The following ECE1 variants were observed in gnomAD, a reference collection of about 807,000 sequenced individuals.
The protein encoded by ECE1 is endothelin-converting enzyme 1.
A neutral mutation model predicts 98.6 loss-of-function variants in ECE1; 35 were observed. The observed-to-expected ratio is 0.35, with a 90% CI of 0.27 to 0.47. ECE1 has a LOEUF of 0.47. Ranked by LOEUF, ECE1 falls within the 20% of genes least tolerant of loss-of-function variation. The pLI, the probability that ECE1 is intolerant of heterozygous loss-of-function variation, is 1.00. For synonymous variants in ECE1, 394 were observed against 407.1 expected (o/e 0.97, Z 0.39); for missense variants, 814 against 1,025.3 (o/e 0.79, Z 2.81).
chr1:21,224,209 G>A (rs2098170925), intron 17 of ECE1, among the ~76,000 whole-genome samples: 1 of 152,140 alleles, frequency 6.6e-6, no homozygotes, highest in Non-Finnish European at 1.5e-5. Context: ...TAACCCCAGA[G>A]AAGGCCTGCC....
intron 2 of ECE1, among the ~76,000 whole-genome samples, chr1:21,286,244 G>A (rs1346043856): frequency 6.6e-6 from 1 of 152,184 alleles, no homozygotes; most frequent in Non-Finnish European, 1.5e-5. Flanking sequence ...TCAGGTGTGG[G>A]AAGATCAGGC....
chr1:21,302,734 C>G (rs1413816535), intron 1 of ECE1, among the ~76,000 whole-genome samples: 1 of 152,206 alleles, frequency 6.6e-6, no homozygotes, highest in East Asian at 1.9e-4. Context: ...GTTTCCTCCC[C>G]TGGCCCGCCC....
chr1:21,290,539 G>C, upstream of ECE1: 2 of 1,191,716 alleles, frequency 1.7e-6, no homozygotes, highest in Non-Finnish European at 2.1e-6. This position sits in a 1 kb window ranked among gnomAD's most constrained non-coding sequence, Gnocchi z 7.3. Flanking sequence ...CCAACCTCCG[G>C]CCTCCCGGGG....
chr1:21,218,525 G>C lies in ECE1; in HGVS notation c.*1430C>G, dbSNP rs1023748134. ...GGACTGGTCCTGGGAGCCAGGCCCA[G>C]CCATGTGGTGGATGACGGTGCTCAG... is the stretch of plus-strand genomic sequence containing the variant. On this transcript the variant is annotated 3_prime_UTR_variant, in exon 19 of 19. Coordinates refer to ENST00000374893, the MANE Select transcript of ECE1 (RefSeq NM_001397.3). The surrounding 1 kb of genome is among the most constrained non-coding windows in gnomAD (Gnocchi z 4.0). 1 of 152,304 alleles carries C rather than the reference G, an allele frequency of 6.6e-6. No individual in the cohort carries two copies. Among genetic ancestry groups the C allele is most frequent in the African/African-American group, 2.4e-5 (1 of 41,462 alleles). 9.4% of individuals were successfully genotyped at this position (152,304 alleles called of 1,614,324 possible). A position where few individuals can be genotyped will look rare whatever the true frequency, so the allele number is the denominator to read the frequency against.
Position 21,219,539 on chromosome 1 carries a change from T to TAA in ECE1, c.*414_*415dup. The TAA allele has an allele frequency of 3.6e-5, 7 of 194,064 alleles. No individual in the cohort carries two copies. The highest frequency in any genetic ancestry group is 2.9e-4 in the South Asian group (3 of 10,354). The allele number at this position is 194,064 out of a possible 1,614,324, so 12.0% of individuals were successfully genotyped here. A position where few individuals can be genotyped will look rare whatever the true frequency, so the allele number is the denominator to read the frequency against. On this transcript the variant is annotated 3_prime_UTR_variant, in exon 19 of 19. Coordinates refer to ENST00000374893, the MANE Select transcript of ECE1 (RefSeq NM_001397.3). This position sits in a 1 kb window ranked among gnomAD's most constrained non-coding sequence, Gnocchi z 4.5. ...ATAATAAATATACCAATTCTTTCCT[T>TAA]AAAAAAAAAAGTGTTTAAATGTGTT...
chr1:21,275,732 C>T (rs1037234156), intron 3 of ECE1, among the ~76,000 whole-genome samples: 1 of 152,214 alleles, frequency 6.6e-6, no homozygotes, highest in African/African-American at 2.4e-5. Context: ...TTTGCAGAAA[C>T]TTCATGAAAT....
intron 2 of ECE1, among the ~76,000 whole-genome samples, chr1:21,288,816 G>A (rs1237538992): frequency 2.0e-5 from 3 of 152,260 alleles, no homozygotes; most frequent in African/African-American, 2.4e-5. Context: ...TTTTTAGCTC[G>A]GTGACCGAAG....
intron 1 of ECE1, among the ~76,000 whole-genome samples, chr1:21,330,314 C>T (rs952167218): frequency 6.9e-6 from 1 of 145,746 alleles, no homozygotes; most frequent in Non-Finnish European, 1.5e-5. Context: ...CCACTCACTG[C>T]AACCTCTGCC....
Position 21,272,808 on chromosome 1 carries a change from G to A in ECE1, c.384C>T (p.Tyr128=), listed in dbSNP as rs201518159. 43 of 1,614,276 alleles carry A rather than the reference G, an allele frequency of 2.7e-5. No individual in the cohort carries two copies. Among genetic ancestry groups the A allele is most frequent in the East Asian group, 2.2e-4 (10 of 44,888 alleles). The change falls in exon 4 of 19, where the codon TAC becomes TAT. Residue 128 remains tyrosine, a synonymous_variant. Transcript: ENST00000374893. ...TVDPCHDFFS[Y]ACGGWIKANP... ...TGGCCTTGATCCAGCCCCCACAGGCGTAGCTGAAGAAGTCATGGCAGGGGT... is the reference window on the plus strand; with the variant it reads ...TGGCCTTGATCCAGCCCCCACAGGCATAGCTGAAGAAGTCATGGCAGGGGT...
chr1:21,323,408 G>A (rs1364844155), intron 1 of ECE1, among the ~76,000 whole-genome samples: 2 of 152,164 alleles, frequency 1.3e-5, no homozygotes, highest in Non-Finnish European at 2.9e-5. Flanking sequence ...AAAATCGTGT[G>A]CCTACTACGT....
intron 1 of ECE1, among the ~76,000 whole-genome samples, chr1:21,318,444 G>A (rs1461615998): frequency 6.6e-6 from 1 of 152,048 alleles, no homozygotes; most frequent in African/African-American, 2.4e-5. Context: ...ACAAAGGTCA[G>A]CCTGGCCTAG....
chr1:21,333,140 G>A (rs1462570756), intron 1 of ECE1, among the ~76,000 whole-genome samples: 1 of 152,154 alleles, frequency 6.6e-6, no homozygotes, highest in African/African-American at 2.4e-5. Flanking sequence ...AGCTCAAGTT[G>A]ATCCCATGGC....
At chr1:21,278,318 T>C (rs2098249926) in intron 3 of ECE1, among the ~76,000 whole-genome samples, 1 of 152,186 alleles carries the variant, frequency 6.6e-6, no homozygotes, top group East Asian at 1.9e-4. Context: ...ATCCACTTAG[T>C]TGGAAACAGA....
intron 1 of ECE1, chr1:21,299,688 G>A (rs1638442896): frequency 6.6e-6 from 1 of 152,230 alleles, no homozygotes; most frequent in South Asian, 2.1e-4. Context: ...TTCACCATCT[G>A]AGCCTCAGTG....
At chr1:21,263,099 T>C (rs2098229186) in intron 4 of ECE1, among the ~76,000 whole-genome samples, 1 of 152,154 alleles carries the variant, frequency 6.6e-6, no homozygotes, top group East Asian at 1.9e-4. Context: ...CCGGGGAAGC[T>C]TCGTTTGAGC....
Position 21,233,848 on chromosome 1 carries a change from C to T in ECE1, c.1567-187G>A, listed in dbSNP as rs779103145. Among the ~76,000 whole-genome samples the T allele has an allele frequency of 5.3e-4, 80 of 152,092 alleles. No homozygotes were observed. The highest frequency in any genetic ancestry group is 1.0e-3 in the Non-Finnish European group (68 of 67,962). Reference sequence around the variant, plus strand: ...CCTGGGGCACGAGATGGAATGACACCGTTGCAGGATGTGCCTACAGCAGTG... The same window carrying T: ...CCTGGGGCACGAGATGGAATGACACTGTTGCAGGATGTGCCTACAGCAGTG... On this transcript the variant is annotated intron_variant, in intron 13 of 18. Coordinates refer to ENST00000374893, the MANE Select transcript of ECE1 (RefSeq NM_001397.3). The surrounding 1 kb of genome is among the most constrained non-coding windows in gnomAD (Gnocchi z 4.0).
intron 1 of ECE1, chr1:21,298,732 G>A: frequency 2.2e-6 from 1 of 456,254 alleles, no homozygotes; most frequent in Non-Finnish European, 4.4e-6. Flanking sequence ...CTGGTAAACA[G>A]CAAAGCCTGG....
At chr1:21,343,519 C>A (rs1445056149) in intron 1 of ECE1, among the ~76,000 whole-genome samples, 1 of 152,182 alleles carries the variant, frequency 6.6e-6, no homozygotes, top group Non-Finnish European at 1.5e-5. Flanking sequence ...AACTTCCCAG[C>A]GTGGGCTCAA....
Position 21,287,252 on chromosome 1 carries a change from G to C in ECE1, c.138+2818C>G, listed in dbSNP as rs142867107. On this transcript the variant is annotated intron_variant, in intron 2 of 18. Coordinates refer to ENST00000374893, the MANE Select transcript of ECE1 (RefSeq NM_001397.3). ...CTAAAATTGAGAGCACAGGCTGGAT[G>C]TGGTGGCTCATGCCTGCAATCCCAG... is the stretch of plus-strand genomic sequence containing the variant. Among the ~76,000 whole-genome samples the C allele has an allele frequency of 4.5e-3, 685 of 152,334 alleles. 4 individuals are homozygous for C. The highest frequency in any genetic ancestry group is 0.015 in the African/African-American group (635 of 41,572).
Sources: allele counts gnomAD v4.1 joint callset (sites outside exome capture counted in the v4.1 genomes callset), GRCh38; gene constraint gnomAD v4.1.1; non-coding constraint Gnocchi (gnomAD v3.1); transcripts MANE v1.5; gene names NCBI Gene and HGNC (gene_info 2026-07-23, HGNC 2026-07-21).